Variants in TLK1 observed in about 807,000 individuals in gnomAD.
The protein encoded by TLK1 is serine/threonine-protein kinase tousled-like 1.
A neutral mutation model predicts 105.3 loss-of-function variants in TLK1; 24 were observed. The observed-to-expected ratio is 0.23, with a 90% CI of 0.17 to 0.32. The LOEUF is 0.32. TLK1 is among the 10% of genes least tolerant of loss of function. The pLI, the probability that TLK1 is intolerant of heterozygous loss-of-function variation, is 1.00. For synonymous variants in TLK1, 321 were observed against 310.4 expected (o/e 1.03, Z -0.36); for missense variants, 558 against 910.5 (o/e 0.61, Z 4.98).
At chr2:171,189,866 G>A (rs1693110962) in intron 1 of TLK1, among the ~76,000 whole-genome samples, 1 of 151,962 alleles carries the variant, frequency 6.6e-6, no homozygotes, top group South Asian at 2.1e-4. Context: ...AAATCAAAAG[G>A]TCAGAAAGCA....
intron 2 of TLK1, among the ~76,000 whole-genome samples, chr2:171,098,902 T>C (rs982379218): frequency 2.0e-5 from 3 of 152,094 alleles, no homozygotes; most frequent in Non-Finnish European, 2.9e-5. Flanking sequence ...CAACACCCTG[T>C]TTCTGATTTA....
intron 1 of TLK1, chr2:171,153,702 C>T (rs537259535): frequency 6.6e-6 from 1 of 152,226 alleles, no homozygotes; most frequent in African/African-American, 2.4e-5. Flanking sequence ...ACAGGGGTCC[C>T]AGATAAAATA....
chr2:171,160,385 G>C lies in TLK1; in HGVS notation c.44C>G (p.Ser15Cys). 2 of 1,605,230 alleles carry C rather than the reference G, an allele frequency of 1.2e-6. No homozygotes were observed. The highest frequency in any genetic ancestry group is 1.7e-6 in the Non-Finnish European group (2 of 1,176,384). The stretch of plus-strand genomic sequence containing the variant: ...TGGAGACGTGGAGAGCTGGGACCAA[G>C]ATGGCGGCCCCTCCAAACTTCCACT... ...SSSGSLEGPP[S>C]WSQLSTSPTP... Residue 15 changes from serine to cysteine, a missense_variant, in exon 1 of 21, where the codon TCT becomes TGT. Ser to Cys is a moderately radical substitution (Grantham distance 112). Around this residue, in one of 5 missense-constraint regions of TLK1, gnomAD observed 104 missense variants for 116.0 expected, o/e 0.90. Transcript: ENST00000431350. This position sits in a 1 kb window ranked among gnomAD's most constrained non-coding sequence, Gnocchi z 4.4.
chr2:171,083,943 G>C (rs1308570361), intron 2 of TLK1, among the ~76,000 whole-genome samples: 1 of 152,078 alleles, frequency 6.6e-6, no homozygotes, highest in Non-Finnish European at 1.5e-5. Flanking sequence ...AAGATTCTGG[G>C]ACAATAAGGG....
intron 1 of TLK1, among the ~76,000 whole-genome samples, chr2:171,204,400 T>TG (rs1304763866): frequency 2.6e-5 from 4 of 152,146 alleles, no homozygotes; most frequent in African/African-American, 9.7e-5. Flanking sequence ...TGCCATGTCC[T>TG]ATGATAGGGA....
At chr2:171,020,165 A>C (rs1283141000) in intron 12 of TLK1, among the ~76,000 whole-genome samples, 2 of 152,184 alleles carry the variant, frequency 1.3e-5, no homozygotes, top group East Asian at 3.8e-4. Flanking sequence ...ATTAAATTTT[A>C]ATTTCACAAA....
chr2:171,019,480 T>A lies in TLK1; in HGVS notation c.1237-4532A>T, dbSNP rs77211479. Reference sequence around the variant, plus strand: ...ATTAAAACTATAAGGCTTAAAAAGTTATAAAATACATTTTTATATGTAAAA... The same window carrying A: ...ATTAAAACTATAAGGCTTAAAAAGTAATAAAATACATTTTTATATGTAAAA... On this transcript the variant is annotated intron_variant, in intron 12 of 20. Coordinates refer to ENST00000431350, the MANE Select transcript of TLK1 (RefSeq NM_012290.5). Among the ~76,000 whole-genome samples, 718 of 152,346 alleles carry A rather than the reference T, an allele frequency of 4.7e-3. 8 individuals carry two copies. Among genetic ancestry groups the A allele is most frequent in the African/African-American group, 0.017 (688 of 41,578 alleles).
chr2:171,153,110 A>AG (rs1692107111), intron 1 of TLK1, among the ~76,000 whole-genome samples: 4 of 152,300 alleles, frequency 2.6e-5, no homozygotes, highest in African/African-American at 9.6e-5. Context: ...CTTAGGAAAA[A>AG]CTACTAAAAT....
At chr2:171,166,390 G>T (rs1692610176) in intron 1 of TLK1, among the ~76,000 whole-genome samples, 1 of 152,234 alleles carries the variant, frequency 6.6e-6, no homozygotes, top group African/African-American at 2.4e-5. Context: ...GAGCTAACCT[G>T]CTCATAAACA....
In TLK1 at chr2:171,046,359, T is replaced by C. The variant is rs1312985077; in HGVS notation, c.984A>G (p.Gln328=). The C allele has an allele frequency of 2.5e-6, 4 of 1,594,414 alleles. No homozygotes were observed. Among genetic ancestry groups the C allele is most frequent in the Non-Finnish European group, 3.4e-6 (4 of 1,172,750 alleles). ...CCCTTTGCTGATTCACCCATTCTTG[T>C]TGCCTGTGTAAAAATAAACAAATAA... ...DGFAFQNLVK[Q]QEWVNQQRED... is the part of the protein sequence containing the mutation. Residue 328 remains glutamine (Q), a synonymous_variant, in exon 11 of 21, where the codon CAA becomes CAG. Transcript: ENST00000431350.
chr2:171,073,365 G>T (rs1558925251), intron 3 of TLK1, among the ~76,000 whole-genome samples: 1 of 152,110 alleles, frequency 6.6e-6, no homozygotes, highest in Non-Finnish European at 1.5e-5. Context: ...ACATTTAACA[G>T]CTGTTTGTTT....
In TLK1 at chr2:171,056,572, T is replaced by C. The variant is rs377409325; in HGVS notation, c.454-6A>G. On this transcript the variant is annotated splice_region_variant and splice_polypyrimidine_tract_variant and intron_variant, in intron 5 of 20. Coordinates refer to ENST00000431350, the MANE Select transcript of TLK1 (RefSeq NM_012290.5). ...GAGCCATTTCCACCCTGGTACTGAGTAAAAGAAAAAGGAAGCATTATTATT... is the reference window on the plus strand; with the variant it reads ...GAGCCATTTCCACCCTGGTACTGAGCAAAAGAAAAAGGAAGCATTATTATT... The C allele has an allele frequency of 1.9e-6, 3 of 1,606,850 alleles. No individual in the cohort carries two copies. Among genetic ancestry groups the C allele is most frequent in the African/African-American group, 2.7e-5 (2 of 74,434 alleles).
intron 11 of TLK1, chr2:171,045,350 C>T (rs1686904987): frequency 6.6e-6 from 1 of 151,502 alleles, no homozygotes. Context: ...CTGCCTCAGC[C>T]TCCTGCGTAG....
intron 18 of TLK1, among the ~76,000 whole-genome samples, chr2:171,001,218 T>C (rs1451703022): frequency 6.6e-6 from 1 of 152,206 alleles, no homozygotes; most frequent in African/African-American, 2.4e-5. Context: ...ATGTTCTGTC[T>C]ACTGGTGTCC....
chr2:171,217,461 A>C (rs1209006982), intron 1 of TLK1, among the ~76,000 whole-genome samples: 1 of 151,804 alleles, frequency 6.6e-6, no homozygotes, highest in South Asian at 2.1e-4. Context: ...TCAGTTTGGG[A>C]GTCGTATTTC....
At chr2:171,137,863 T>A (rs919037881) in intron 1 of TLK1, among the ~76,000 whole-genome samples, 26 of 150,404 alleles carry the variant, frequency 1.7e-4, no homozygotes, top group African/African-American at 5.1e-4. Flanking sequence ...AAAAATAAAA[T>A]AAAATAAAAA....
chr2:170,995,021 T>C (rs1377323207), intron 20 of TLK1, among the ~76,000 whole-genome samples: 1 of 152,186 alleles, frequency 6.6e-6, no homozygotes, highest in Non-Finnish European at 1.5e-5. Context: ...GAAGTATATT[T>C]TTCTCTAAAA....
intron 1 of TLK1, among the ~76,000 whole-genome samples, chr2:171,201,961 TATC>T (rs1693408361): frequency 6.6e-6 from 1 of 151,784 alleles, no homozygotes. Context: ...TCATATCTAT[TATC>T]TATCTATCTA....
chr2:170,996,341 G>A (rs1021816191), intron 20 of TLK1, among the ~76,000 whole-genome samples: 8 of 152,186 alleles, frequency 5.3e-5, no homozygotes, highest in African/African-American at 7.2e-5. Flanking sequence ...ATATATCTCA[G>A]TATTAACATA....
Sources: gnomAD v4.1 joint callset for allele counts (sites outside exome capture counted in the v4.1 genomes callset) on GRCh38, gnomAD v4.1.1 for gene constraint, gnomAD v4.1.1 regional missense constraint, Gnocchi (gnomAD v3.1) non-coding constraint, MANE v1.5 for transcripts, NCBI Gene and HGNC (gene_info 2026-07-23, HGNC 2026-07-21) for gene names.